The following PTPRD variants were observed in gnomAD, a reference collection of about 807,000 sequenced individuals.
The protein encoded by PTPRD is receptor-type tyrosine-protein phosphatase delta.
Under a neutral mutation model 214.5 loss-of-function variants are expected in PTPRD, and 34 were observed. That is an observed-to-expected ratio of 0.16 (90% confidence interval 0.12 to 0.21). The LOEUF (loss-of-function observed/expected upper bound fraction) is 0.21, where lower values mean the gene tolerates loss of function less well. Among genes scored for constraint, PTPRD ranks in the 10% least tolerant of loss-of-function variants. The probability of loss-of-function intolerance (pLI) is 1.00; values close to 1 mark genes in which losing one functional copy is unlikely to be tolerated. For synonymous variants in PTPRD, 1,128 were observed against 845.7 expected, an observed-to-expected ratio of 1.33 and a Z score of -5.79; for missense variants, 2,545 against 2,398.7, an observed-to-expected ratio of 1.06 and a Z score of -1.27.
chr9:9,403,586 G>C (rs1426452969), intron 8 of PTPRD, among the ~76,000 whole-genome samples: 1 of 151,918 alleles, frequency 6.6e-6, no homozygotes, highest in Non-Finnish European at 1.5e-5. Flanking sequence ...TTTTAACCAT[G>C]TGATAAATCC....
At chr9:9,167,658 G>A (rs960539569) in intron 10 of PTPRD, among the ~76,000 whole-genome samples, 15 of 152,090 alleles carry the variant, frequency 9.9e-5, no homozygotes, top group African/African-American at 2.4e-5. Flanking sequence ...GAGAGGCTGA[G>A]GCACAAGAAT....
chr9:9,995,482 T>A (rs7034077), intron 4 of PTPRD, among the ~76,000 whole-genome samples: 21,862 of 152,170 alleles, frequency 0.14, 1,828 homozygotes, highest in African/African-American at 0.22. Context: ...CACGGACATA[T>A]GTGCTACTTT....
chr9:9,706,343 G>C (rs910464806), intron 7 of PTPRD, among the ~76,000 whole-genome samples: 1 of 151,948 alleles, frequency 6.6e-6, no homozygotes, highest in Non-Finnish European at 1.5e-5. Flanking sequence ...TATTTCTCAT[G>C]AAGTTTCCTT....
chr9:10,519,034 C>T (rs557341299), intron 2 of PTPRD, among the ~76,000 whole-genome samples: 17 of 151,912 alleles, frequency 1.1e-4, no homozygotes, highest in Middle Eastern at 3.4e-3. Flanking sequence ...CTAACTCTTA[C>T]CTTTTGCCTC....
chr9:10,313,394 G>C (rs1314967333), intron 3 of PTPRD, among the ~76,000 whole-genome samples: 1 of 95,182 alleles, frequency 1.1e-5, no homozygotes, highest in Non-Finnish European at 1.9e-5. Context: ...GACAGGTACA[G>C]ATTACACACA....
chr9:8,510,770 T>G (rs574292003), intron 21 of PTPRD, among the ~76,000 whole-genome samples: 2 of 152,084 alleles, frequency 1.3e-5, no homozygotes, highest in African/African-American at 4.8e-5. Flanking sequence ...CATATTTGAA[T>G]CCACAACCAT....
At chr9:9,197,127 T>G (rs950515000) in intron 9 of PTPRD, among the ~76,000 whole-genome samples, 1 of 152,212 alleles carries the variant, frequency 6.6e-6, no homozygotes, top group Non-Finnish European at 1.5e-5. Flanking sequence ...TTCTTCCTTC[T>G]GAATAAGATT....
chr9:9,711,813 T>C (rs2097737531), intron 7 of PTPRD, among the ~76,000 whole-genome samples: 1 of 152,184 alleles, frequency 6.6e-6, no homozygotes, highest in South Asian at 2.1e-4. Flanking sequence ...CAAACAGCTC[T>C]CTTATTTTGA....
chr9:10,236,238 A>C (rs945489015), intron 3 of PTPRD, among the ~76,000 whole-genome samples: 4 of 151,944 alleles, frequency 2.6e-5, no homozygotes, highest in African/African-American at 9.7e-5. Flanking sequence ...AATTGGCTCA[A>C]GTTTGATACA....
At chr9:10,017,964 T>C (rs1221276368) in intron 4 of PTPRD, among the ~76,000 whole-genome samples, 2 of 152,152 alleles carry the variant, frequency 1.3e-5, no homozygotes, top group African/African-American at 4.8e-5. Context: ...ATCTCCCCCA[T>C]GGTACATTCT....
At chr9:10,010,796 G>A in intron 4 of PTPRD, among the ~76,000 whole-genome samples, 1 of 151,916 alleles carries the variant, frequency 6.6e-6, no homozygotes, top group East Asian at 1.9e-4. Flanking sequence ...AAACTTCTGT[G>A]TTAAAACTAA....
At chr9:8,837,861 T>C (rs2097467799) in intron 11 of PTPRD, among the ~76,000 whole-genome samples, 1 of 152,070 alleles carries the variant, frequency 6.6e-6, no homozygotes, top group Non-Finnish European at 1.5e-5. Flanking sequence ...GTTTCCTTTG[T>C]TTGCCTGTTT....
At chr9:9,045,813 C>A (rs1270169081) in intron 10 of PTPRD, among the ~76,000 whole-genome samples, 7 of 152,102 alleles carry the variant, frequency 4.6e-5, no homozygotes, top group Admixed American at 4.6e-4. Context: ...GATCAGAAAG[C>A]TGTAAAAACT....
chr9:8,784,550 C>A (rs552198243), intron 11 of PTPRD, among the ~76,000 whole-genome samples: 1 of 152,272 alleles, frequency 6.6e-6, no homozygotes, highest in South Asian at 2.1e-4. Flanking sequence ...TAAACAGAAT[C>A]TGGTTTTATT....
chr9:9,484,545 A>G (rs2095548077), intron 8 of PTPRD, among the ~76,000 whole-genome samples: 2 of 152,156 alleles, frequency 1.3e-5, no homozygotes, highest in Admixed American at 1.3e-4. Context: ...AATGTAAATC[A>G]TACTTTAATA....
chr9:9,411,972 T>A (rs2075578018), intron 8 of PTPRD, among the ~76,000 whole-genome samples: 1 of 152,126 alleles, frequency 6.6e-6, no homozygotes, highest in Non-Finnish European at 1.5e-5. Context: ...CAGGAAAAGG[T>A]CAGTGAAGGA....
chr9:9,447,176 A>C lies in PTPRD; in HGVS notation c.-236-49694T>G, dbSNP rs150093718. On this transcript the variant is annotated intron_variant, in intron 8 of 45. Coordinates refer to ENST00000381196, the MANE Select transcript of PTPRD (RefSeq NM_002839.4). ...AATCCGATTACTGAGTATATACCCAAAGGAATATTAATCATTCTATCATAA... is the reference window on the plus strand; with the variant it reads ...AATCCGATTACTGAGTATATACCCACAGGAATATTAATCATTCTATCATAA... 3.1e-3 allele frequency among the ~76,000 whole-genome samples: 466 copies of C among 152,242 alleles called. 2 individuals carry two copies. The highest frequency in any genetic ancestry group is 4.7e-3 in the Non-Finnish European group (321 of 68,012).
intron 3 of PTPRD, among the ~76,000 whole-genome samples, chr9:10,252,587 T>C (rs542446873): frequency 4.1e-4 from 63 of 152,220 alleles, no homozygotes; most frequent in Non-Finnish European, 7.8e-4. Context: ...ATATTATGTA[T>C]TAATGATATT....
chr9:9,666,891 T>G (rs1303728175), intron 7 of PTPRD, among the ~76,000 whole-genome samples: 2 of 152,086 alleles, frequency 1.3e-5, no homozygotes, highest in Non-Finnish European at 2.9e-5. Context: ...TCGCTTTTTA[T>G]GGATACATTG....
Sources: allele counts gnomAD v4.1 joint callset (sites outside exome capture counted in the v4.1 genomes callset), GRCh38; gene constraint gnomAD v4.1.1; transcripts MANE v1.5; gene names NCBI Gene and HGNC (gene_info 2026-07-23, HGNC 2026-07-21).